Variants in BMERB1 observed in about 807,000 individuals in gnomAD.
BMERB1 encodes the protein bMERB domain-containing protein 1.
A neutral mutation model predicts 23.6 loss-of-function variants in BMERB1; 12 were observed. The ratio of observed to expected loss-of-function variants is 0.51; its 90% CI spans 0.33 to 0.82. The LOEUF is 0.82. Ranked by LOEUF, BMERB1 falls within the 40% of genes least tolerant of loss-of-function variation. BMERB1 has a pLI of 0.03. For missense variants in BMERB1, 247 were observed against 255.4 expected (o/e 0.97, Z 0.22); for synonymous variants, 122 against 96.6 (o/e 1.26, Z -1.54).
In BMERB1 at chr16:15,587,805, G is replaced by A. The variant is rs2031190548; in HGVS notation, c.*976G>A. On this transcript the variant is annotated 3_prime_UTR_variant, in exon 6 of 6. Coordinates refer to ENST00000300006, the MANE Select transcript of BMERB1 (RefSeq NM_033201.3). ...TAGCTGCCAAACAACTTCAACCCGT[G>A]TAATTCATGTACATTTGCAACAGCC... 3.9e-6 allele frequency: 1 copy of A among 257,522 alleles called. No homozygotes were observed. Among genetic ancestry groups the A allele is most frequent in the African/African-American group, 2.3e-5 (1 of 44,064 alleles). The allele number at this position is 257,522 out of a possible 1,614,324, so 16.0% of individuals were successfully genotyped here.
At chr16:15,578,319 C>A (rs1234907410) in intron 3 of BMERB1, among the ~76,000 whole-genome samples, 1 of 151,830 alleles carries the variant, frequency 6.6e-6, no homozygotes, top group Non-Finnish European at 1.5e-5. Flanking sequence ...CTGCTTCAGC[C>A]TCCCAAGTAG....
intron 2 of BMERB1, among the ~76,000 whole-genome samples, chr16:15,524,158 A>T (rs2051883217): frequency 6.6e-6 from 1 of 152,174 alleles, no homozygotes; most frequent in African/African-American, 2.4e-5. Flanking sequence ...GCTCTGCGTC[A>T]CTTTAGTTGC....
chr16:15,481,145 A>C (rs368712860), intron 1 of BMERB1, among the ~76,000 whole-genome samples: 2 of 152,206 alleles, frequency 1.3e-5, no homozygotes, highest in Non-Finnish European at 2.9e-5. Flanking sequence ...AATGGTCTTC[A>C]AGATATTAAG....
At chr16:15,493,336 T>G (rs556784605) in intron 1 of BMERB1, among the ~76,000 whole-genome samples, 1 of 152,276 alleles carries the variant, frequency 6.6e-6, no homozygotes, top group East Asian at 1.9e-4. Context: ...ACTGTCACAG[T>G]GTAGAAGAGT....
chr16:15,515,258 G>C, intron 1 of BMERB1, 47 bp from the exon 2 acceptor site: 1 of 1,611,384 alleles, frequency 6.2e-7, no homozygotes, highest in Non-Finnish European at 8.5e-7. Flanking sequence ...CTGTCCCATG[G>C]TGCAGCCTTG....
intron 1 of BMERB1, among the ~76,000 whole-genome samples, chr16:15,481,936 G>T (rs2051324315): frequency 6.6e-6 from 1 of 151,452 alleles, no homozygotes; most frequent in African/African-American, 2.4e-5. Flanking sequence ...TCACTACGTT[G>T]ACTAGCCTGG....
intron 3 of BMERB1, among the ~76,000 whole-genome samples, chr16:15,569,229 A>G (rs543295991): frequency 6.6e-6 from 1 of 152,186 alleles, no homozygotes; most frequent in South Asian, 2.1e-4. Flanking sequence ...AAAAAGAAAG[A>G]GAGAACTGAG....
intron 5 of BMERB1, chr16:15,584,054 C>T (rs1484253004): frequency 4.3e-6 from 3 of 702,158 alleles, no homozygotes; most frequent in African/African-American, 3.5e-5. Context: ...AGAATATTAA[C>T]CTCATCAGAT....
At chr16:15,564,523 A>G (rs2150970891) in intron 2 of BMERB1, among the ~76,000 whole-genome samples, 1 of 152,358 alleles carries the variant, frequency 6.6e-6, no homozygotes, top group South Asian at 2.1e-4. Flanking sequence ...ATAATTTTAA[A>G]GCGTCTATAA....
chr16:15,502,241 AT>A, intron 1 of BMERB1: 2 of 1,517,980 alleles, frequency 1.3e-6, no homozygotes, highest in Non-Finnish European at 8.9e-7. Flanking sequence ...AGTTAAAAAA[AT>A]GTGCTTGAGG....
At chr16:15,484,017 G>T (rs1157872333) in intron 1 of BMERB1, among the ~76,000 whole-genome samples, 1 of 152,200 alleles carries the variant, frequency 6.6e-6, no homozygotes, top group Non-Finnish European at 1.5e-5. Context: ...ACTGTGGAAG[G>T]TGAAGGGGAA....
At chr16:15,488,803 G>A (rs2051389679) in intron 1 of BMERB1, among the ~76,000 whole-genome samples, 1 of 148,360 alleles carries the variant, frequency 6.7e-6, no homozygotes, top group South Asian at 2.1e-4. Flanking sequence ...GGGCAACAGA[G>A]CGAGACTCCG....
At chr16:15,436,501 G>C (rs1392029395) in intron 1 of BMERB1, among the ~76,000 whole-genome samples, 1 of 151,872 alleles carries the variant, frequency 6.6e-6, no homozygotes, top group East Asian at 1.9e-4. Context: ...TCAGGTGATC[G>C]GCCTGCCCTG....
intron 1 of BMERB1, among the ~76,000 whole-genome samples, chr16:15,442,417 T>C (rs1034942661): frequency 1.3e-5 from 2 of 152,118 alleles, no homozygotes; most frequent in South Asian, 2.1e-4. Flanking sequence ...AAAACTATTA[T>C]AGCAGTGATA....
At chr16:15,496,078 GTGATGA>G (rs1245521610) in intron 1 of BMERB1, among the ~76,000 whole-genome samples, 3 of 151,852 alleles carry the variant, frequency 2.0e-5, no homozygotes, top group Non-Finnish European at 4.4e-5. Flanking sequence ...GACAGTGATC[GTGATGA>G]TGGTGATGGT....
At chr16:15,567,887 C>A in intron 2 of BMERB1, 96 bp from the exon 3 acceptor site, 1 of 1,166,712 alleles carries the variant, frequency 8.6e-7, no homozygotes, top group Non-Finnish European at 1.2e-6. Context: ...CAAAAGATAA[C>A]CCACCTTTAA....
intron 2 of BMERB1, among the ~76,000 whole-genome samples, chr16:15,567,328 G>C (rs535570232): frequency 6.6e-6 from 1 of 152,306 alleles, no homozygotes; most frequent in African/African-American, 2.4e-5. Context: ...GTGAATTTCT[G>C]CAGTGTTTAA....
intron 1 of BMERB1, among the ~76,000 whole-genome samples, chr16:15,474,831 G>A (rs1178381988): frequency 6.6e-6 from 1 of 152,076 alleles, no homozygotes; most frequent in African/African-American, 2.4e-5. Context: ...TGGGATACAG[G>A]CATGCACCAC....
At chr16:15,505,208 G>A (rs2051574647) in intron 1 of BMERB1, among the ~76,000 whole-genome samples, 1 of 152,182 alleles carries the variant, frequency 6.6e-6, no homozygotes, top group Non-Finnish European at 1.5e-5. Flanking sequence ...GCAAAGGACT[G>A]GAATTCTATT....
Sources: allele counts gnomAD v4.1 joint callset (sites outside exome capture counted in the v4.1 genomes callset), GRCh38; gene constraint gnomAD v4.1.1; transcripts MANE v1.5; gene names NCBI Gene and HGNC (gene_info 2026-07-23, HGNC 2026-07-21).